WWOX: variants seen among roughly 807,000 people sequenced by gnomAD.
WWOX encodes WW domain containing oxidoreductase, also known as WW domain-containing oxidoreductase.
In WWOX, 69 loss-of-function variants were observed where a neutral mutation model predicts 46.2. The ratio of observed to expected loss-of-function variants is 1.49; its 90% CI spans 1.23 to 1.82. The LOEUF (loss-of-function observed/expected upper bound fraction) is 1.82. Among genes scored for constraint, WWOX ranks in the 40% most tolerant of loss-of-function variants. The pLI, the probability that WWOX is intolerant of heterozygous loss-of-function variation, is 0.00. For synonymous variants in WWOX, 359 were observed against 202.6 expected (o/e 1.77, Z -6.56); for missense variants, 919 against 542.6 (o/e 1.69, Z -6.89).
chr16:79,139,864 G>A (rs1047452178), intron 8 of WWOX, among the ~76,000 whole-genome samples: 8 of 152,122 alleles, frequency 5.3e-5, no homozygotes, highest in Non-Finnish European at 1.2e-4. Flanking sequence ...ATTCTGTTAC[G>A]TGTTATGGCG....
At chr16:79,049,814 G>A (rs1172539032) in intron 8 of WWOX, among the ~76,000 whole-genome samples, 2 of 142,288 alleles carry the variant, frequency 1.4e-5, no homozygotes, top group African/African-American at 2.7e-5. Flanking sequence ...CAGCCTGGCC[G>A]ACAGAGTGAG....
At chr16:78,973,887 A>G (rs1011273548) in intron 8 of WWOX, among the ~76,000 whole-genome samples, 3 of 152,232 alleles carry the variant, frequency 2.0e-5, no homozygotes, top group African/African-American at 7.2e-5. Context: ...CAACTAGGGA[A>G]AAATTTGCAT....
intron 8 of WWOX, among the ~76,000 whole-genome samples, chr16:79,039,393 C>G (rs1355282825): frequency 1.3e-5 from 2 of 152,150 alleles, no homozygotes; most frequent in Non-Finnish European, 2.9e-5. Context: ...ACCCCCTTCC[C>G]CCATAGGAAG....
chr16:78,129,736 A>G (rs1399161430), intron 4 of WWOX, among the ~76,000 whole-genome samples: 1 of 151,594 alleles, frequency 6.6e-6, no homozygotes, highest in Non-Finnish European at 1.5e-5. Flanking sequence ...ACTACTTGCC[A>G]GCATACTAAA....
At chr16:79,028,190 C>T (rs531173685) in intron 8 of WWOX, among the ~76,000 whole-genome samples, 3 of 151,848 alleles carry the variant, frequency 2.0e-5, no homozygotes, top group African/African-American at 7.3e-5. Context: ...ACCTCATGAT[C>T]CACCTGCCTT....
At chr16:78,168,993 A>G (rs1417539179) in intron 5 of WWOX, among the ~76,000 whole-genome samples, 1 of 152,192 alleles carries the variant, frequency 6.6e-6, no homozygotes, top group Non-Finnish European at 1.5e-5. Flanking sequence ...CCACTGTCTT[A>G]AAAGGCCAAT....
intron 8 of WWOX, among the ~76,000 whole-genome samples, chr16:78,924,127 A>C (rs1054255578): frequency 3.3e-5 from 5 of 152,068 alleles, no homozygotes; most frequent in Non-Finnish European, 7.4e-5. Flanking sequence ...GCTAGGAACT[A>C]TTAATCCATA....
intron 8 of WWOX, among the ~76,000 whole-genome samples, chr16:78,649,559 G>C (rs557431476): frequency 2.0e-5 from 3 of 152,318 alleles, no homozygotes; most frequent in South Asian, 4.1e-4. Context: ...TTACAGGCTT[G>C]AGCTACTTCC....
chr16:78,792,051 CAGCTT>C (rs2050616028), intron 8 of WWOX, among the ~76,000 whole-genome samples: 1 of 152,118 alleles, frequency 6.6e-6, no homozygotes, highest in South Asian at 2.1e-4. Flanking sequence ...ATCCCATAGT[CAGCTT>C]AGCCCTGTCC....
intron 8 of WWOX, among the ~76,000 whole-genome samples, chr16:78,785,152 C>A (rs929822637): frequency 6.6e-6 from 1 of 152,080 alleles, no homozygotes; most frequent in South Asian, 2.1e-4. Flanking sequence ...AAACAATAAC[C>A]AAGTGTGACT....
At chr16:78,272,905 A>G (rs2079507946) in intron 5 of WWOX, among the ~76,000 whole-genome samples, 2 of 152,186 alleles carry the variant, frequency 1.3e-5, no homozygotes, top group Admixed American at 6.5e-5. Context: ...AACATCCTTA[A>G]CAGCAGCTAT....
intron 5 of WWOX, among the ~76,000 whole-genome samples, chr16:78,260,906 C>T (rs1333149713): frequency 1.5e-5 from 2 of 136,680 alleles, no homozygotes; most frequent in Non-Finnish European, 3.0e-5. Flanking sequence ...CACTGCACTC[C>T]AGCTTGGGAA....
At chr16:78,831,091 G>C (rs2051809426) in intron 8 of WWOX, among the ~76,000 whole-genome samples, 1 of 152,188 alleles carries the variant, frequency 6.6e-6, no homozygotes, top group African/African-American at 2.4e-5. Context: ...TGCGTTCCTA[G>C]CCCTCCAGAG....
At chr16:79,092,672 A>G (rs13335705) in intron 8 of WWOX, among the ~76,000 whole-genome samples, 14,113 of 152,310 alleles carry the variant, frequency 0.093, 765 homozygotes, top group African/African-American at 0.12. Flanking sequence ...TTGTGATGGA[A>G]ACAGAGACAG....
intron 8 of WWOX, chr16:78,899,746 A>G (rs535517690): frequency 6.1e-4 from 93 of 152,330 alleles, no homozygotes; most frequent in African/African-American, 2.2e-3. Context: ...GATCTCTGTG[A>G]TCCCTGAAGA....
At chr16:79,169,609 C>A (rs1203425709) in intron 8 of WWOX, among the ~76,000 whole-genome samples, 3 of 152,180 alleles carry the variant, frequency 2.0e-5, no homozygotes, top group Non-Finnish European at 4.4e-5. Context: ...TCCTGCTTCA[C>A]ACAAATAGCT....
intron 5 of WWOX, among the ~76,000 whole-genome samples, chr16:78,317,503 C>G (rs1234594138): frequency 6.6e-6 from 1 of 152,180 alleles, no homozygotes; most frequent in Non-Finnish European, 1.5e-5. Flanking sequence ...AAACCATGTA[C>G]TAAGGCACAG....
intron 4 of WWOX, among the ~76,000 whole-genome samples, chr16:78,127,569 A>T (rs573053587): frequency 6.6e-6 from 1 of 151,926 alleles, no homozygotes; most frequent in African/African-American, 2.4e-5. Flanking sequence ...TCAAGGAACA[A>T]AAAGGGATAT....
At chr16:78,571,404 C>T (rs1311844646) in intron 8 of WWOX, among the ~76,000 whole-genome samples, 3 of 152,174 alleles carry the variant, frequency 2.0e-5, no homozygotes, top group Non-Finnish European at 2.9e-5. Flanking sequence ...GCTTAACAGA[C>T]ACACATTCAT....
Sources: gnomAD v4.1 joint callset for allele counts (sites outside exome capture counted in the v4.1 genomes callset) on GRCh38, gnomAD v4.1.1 for gene constraint, MANE v1.5 for transcripts, NCBI Gene and HGNC (gene_info 2026-07-23, HGNC 2026-07-21) for gene names.